SERPINI1: variants seen among roughly 807,000 people sequenced by gnomAD.
SERPINI1 encodes the protein serpin family I member 1, also known as neuroserpin.
SERPINI1 carries 19 observed loss-of-function variants against 41.1 expected under a neutral mutation model. That is an observed-to-expected ratio of 0.46 (90% CI 0.32 to 0.68). SERPINI1 has a LOEUF of 0.68. Ranked by LOEUF, SERPINI1 falls within the 30% of genes least tolerant of loss-of-function variation. SERPINI1 has a pLI of 0.03. For synonymous variants in SERPINI1, 138 were observed against 156.6 expected, an observed-to-expected ratio of 0.88 and a Z score of 0.89; for missense variants, 460 against 479.2, an observed-to-expected ratio of 0.96 and a Z score of 0.37.
At chr3:167,787,786 CA>C (rs1327948239) in intron 1 of SERPINI1, among the ~76,000 whole-genome samples, 1 of 152,060 alleles carries the variant, frequency 6.6e-6, no homozygotes, top group Non-Finnish European at 1.5e-5. Context: ...ACTTTTCAGA[CA>C]AAAAAACTGT....
In SERPINI1 at chr3:167,786,507, C is replaced by CAAAAAA. The variant is rs71176662; in HGVS notation, c.-18-2589_-18-2584dup. Among the ~76,000 whole-genome samples, 363 of 75,150 alleles carry CAAAAAA rather than the reference C, an allele frequency of 4.8e-3. 9 individuals carry two copies. The highest frequency in any genetic ancestry group is 0.033 in the East Asian group (63 of 1,898). The allele number at this position is 75,150 out of a possible 152,430, so 49.3% of individuals were successfully genotyped here. ...TGGGCGACAGAGGGAGACTCCGTCTCAAAAAAAAAAAAAAAAAAAAGACTT... is the reference window on the plus strand; with the variant it reads ...TGGGCGACAGAGGGAGACTCCGTCTCAAAAAAAAAAAAAAAAAAAAAAAAAAGACTT... On this transcript the variant is annotated intron_variant, in intron 1 of 8. Transcript: ENST00000446050.
At chr3:167,765,396 C>T (rs1333320360) in intron 1 of SERPINI1, among the ~76,000 whole-genome samples, 1 of 152,214 alleles carries the variant, frequency 6.6e-6, no homozygotes, top group Non-Finnish European at 1.5e-5. Context: ...CCTCTGAAGC[C>T]ACAGCCCAAG....
At chr3:167,787,638 G>A (rs1236212475) in intron 1 of SERPINI1, among the ~76,000 whole-genome samples, 1 of 152,220 alleles carries the variant, frequency 6.6e-6, no homozygotes, top group Non-Finnish European at 1.5e-5. Context: ...CCCATTAGCT[G>A]TCATCCCATT....
At position 167,789,348 on chromosome 3, in the gene SERPINI1, C is replaced by T. The variant is rs1445299347; in HGVS notation, c.220C>T (p.His74Tyr). 6.2e-7 allele frequency: 1 copy of T among 1,614,034 alleles called. No homozygotes were observed. The highest frequency in any genetic ancestry group is 2.2e-5 in the East Asian group (1 of 44,884). ...AQGSTQKEIR[H>Y]SMGYDSLKNG... ...AGGATCTACCCAGAAAGAAATCCGC[C>T]ACTCAATGGGATATGACAGCCTAAA... The change falls in exon 2 of 9, where the codon CAC (histidine) becomes TAC (tyrosine). Residue 74 changes from histidine (H) to tyrosine (Y), a missense_variant. Transcript: ENST00000446050.
At chr3:167,737,267 A>G (rs1166571215) in intron 1 of SERPINI1, among the ~76,000 whole-genome samples, 1 of 152,138 alleles carries the variant, frequency 6.6e-6, no homozygotes, top group Non-Finnish European at 1.5e-5. Flanking sequence ...ATAGAAATAT[A>G]TAGACAGATA....
At chr3:167,775,186 C>A (rs1726922513) in intron 1 of SERPINI1, among the ~76,000 whole-genome samples, 1 of 150,318 alleles carries the variant, frequency 6.7e-6, no homozygotes, top group Non-Finnish European at 1.5e-5. Context: ...GAAAATTTTA[C>A]GTGATTTCCC....
chr3:167,780,613 AT>A (rs1187233628), intron 1 of SERPINI1, among the ~76,000 whole-genome samples: 2 of 152,190 alleles, frequency 1.3e-5, no homozygotes, highest in Non-Finnish European at 2.9e-5. Flanking sequence ...TGTGTTTTCT[AT>A]TCTTGGGTCC....
chr3:167,825,047 T>C (rs1364048527), intron 8 of SERPINI1, among the ~76,000 whole-genome samples, 200 bp from the exon 9 acceptor site: 2 of 146,884 alleles, frequency 1.4e-5, no homozygotes, highest in African/African-American at 2.5e-5. Flanking sequence ...AGCCTTTCTC[T>C]AGAAGGAAAG....
chr3:167,814,919 G>T (rs1048673599), intron 6 of SERPINI1, among the ~76,000 whole-genome samples: 1 of 152,160 alleles, frequency 6.6e-6, no homozygotes, highest in African/African-American at 2.4e-5. Context: ...GGAAAAGGCT[G>T]CTTGGTGCCA....
At chr3:167,823,460 T>C (rs1712409328) in intron 7 of SERPINI1, among the ~76,000 whole-genome samples, 1 of 152,230 alleles carries the variant, frequency 6.6e-6, no homozygotes, top group Non-Finnish European at 1.5e-5. Context: ...AAAGTTCTTA[T>C]TTTTTATTTT....
At chr3:167,763,386 T>G (rs1272872166) in intron 1 of SERPINI1, among the ~76,000 whole-genome samples, 1 of 151,880 alleles carries the variant, frequency 6.6e-6, no homozygotes. Context: ...TGTATGTGTG[T>G]GTGTGTGTGT....
At chr3:167,735,904 T>A (rs1577391221) in intron 1 of SERPINI1, 81 bp downstream of exon 1, 1 of 152,150 alleles carries the variant, frequency 6.6e-6, no homozygotes, top group Admixed American at 6.5e-5. Context: ...AAGACACAGC[T>A]AAAAGAGTCC....
intron 6 of SERPINI1, among the ~76,000 whole-genome samples, chr3:167,814,515 TG>T (rs1444861409): frequency 6.6e-6 from 1 of 152,252 alleles, no homozygotes; most frequent in African/African-American, 2.4e-5. Flanking sequence ...CTCGTCATTT[TG>T]TTATTTTAAG....
At position 167,763,039 on chromosome 3, in the gene SERPINI1, C is replaced by T. The variant is rs992749005; in HGVS notation, c.-18-26072C>T. Among the ~76,000 whole-genome samples the T allele has an allele frequency of 3.3e-5, 5 of 152,124 alleles. No homozygotes were observed. The South Asian group carries it at 6.2e-4, about 19-fold the overall frequency. On this transcript the variant is annotated intron_variant, in intron 1 of 8. Coordinates refer to ENST00000446050, the MANE Select transcript of SERPINI1 (RefSeq NM_001122752.2). ...CATTTTAGGTAATCTACCCAAAGTC[C>T]CCAGGTCTCAGTTGGCTCATGTGTA...
intron 1 of SERPINI1, among the ~76,000 whole-genome samples, chr3:167,772,864 CTATATATA>C (rs1161668820): frequency 1.6e-4 from 4 of 24,644 alleles, no homozygotes; most frequent in South Asian, 2.6e-3. Context: ...CTCTCTCTCT[CTATATATA>C]TATATATATA....
At chr3:167,789,685 A>G (rs1040057819) in intron 2 of SERPINI1, among the ~76,000 whole-genome samples, 2 of 152,348 alleles carry the variant, frequency 1.3e-5, no homozygotes, top group Non-Finnish European at 2.9e-5. Context: ...TATTTATCGC[A>G]CAAATAAATG....
At chr3:167,776,266 C>T (rs1018009629) in intron 1 of SERPINI1, among the ~76,000 whole-genome samples, 1 of 152,232 alleles carries the variant, frequency 6.6e-6, no homozygotes, top group African/African-American at 2.4e-5. Flanking sequence ...GCTCTCCTGA[C>T]ATTAATCCAA....
intron 1 of SERPINI1, among the ~76,000 whole-genome samples, chr3:167,749,326 A>T (rs1288086973): frequency 6.6e-6 from 1 of 150,822 alleles, no homozygotes; most frequent in Non-Finnish European, 1.5e-5. Context: ...CTCAACATCC[A>T]CAAAACATAT....
intron 1 of SERPINI1, among the ~76,000 whole-genome samples, chr3:167,756,442 C>T (rs1357841982): frequency 2.6e-5 from 4 of 152,056 alleles, no homozygotes; most frequent in Admixed American, 2.6e-4. Flanking sequence ...GGACTACAGG[C>T]ATGCACCACC....
Sources: gnomAD v4.1 joint callset for allele counts (sites outside exome capture counted in the v4.1 genomes callset) on GRCh38, gnomAD v4.1.1 for gene constraint, MANE v1.5 for transcripts, NCBI Gene and HGNC (gene_info 2026-07-23, HGNC 2026-07-21) for gene names.